The following ZPLD1 variants were observed in gnomAD, a reference collection of about 807,000 sequenced individuals.
ZPLD1 encodes zona pellucida like domain containing 1.
Under a neutral mutation model 47.2 loss-of-function variants are expected in ZPLD1, and 34 were observed. The ratio of observed to expected loss-of-function variants is 0.72; its 90% confidence interval spans 0.55 to 0.96. The LOEUF is 0.96. Among genes scored for constraint, ZPLD1 ranks in the 40% least tolerant of loss-of-function variants. The pLI is 0.00. For synonymous variants in ZPLD1, 176 were observed against 186.2 expected (o/e 0.95, Z 0.45); for missense variants, 512 against 505.8 (o/e 1.01, Z -0.12).
At chr3:102,410,331 C>T (rs1320288114) in intron 7 of ZPLD1, among the ~76,000 whole-genome samples, 2 of 151,690 alleles carry the variant, frequency 1.3e-5, no homozygotes, top group African/African-American at 4.8e-5. Flanking sequence ...CAGTATGGGG[C>T]AAACACATGC....
chr3:102,401,370 A>C (rs1706618118), intron 7 of ZPLD1, among the ~76,000 whole-genome samples: 1 of 152,084 alleles, frequency 6.6e-6, no homozygotes, highest in Admixed American at 6.6e-5. Context: ...ACAGGACTGC[A>C]CAATTTTGTG....
intron 5 of ZPLD1, among the ~76,000 whole-genome samples, chr3:102,457,492 A>G (rs1195520603): frequency 6.6e-6 from 1 of 152,240 alleles, no homozygotes; most frequent in Non-Finnish European, 1.5e-5. Flanking sequence ...GTGTATTTGC[A>G]TTAGATTCAA....
upstream of ZPLD1, chr3:102,434,943 A>G (rs1015172861): frequency 1.4e-5 from 9 of 632,862 alleles, no homozygotes; most frequent in East Asian, 5.5e-5. Flanking sequence ...GCTAAAATAC[A>G]CATGTCTGGA....
chr3:102,467,400 A>G (rs1453888631), intron 8 of ZPLD1, among the ~76,000 whole-genome samples: 3 of 152,178 alleles, frequency 2.0e-5, no homozygotes, highest in Non-Finnish European at 4.4e-5. Context: ...GGAAATGAGC[A>G]GAGTATGGTT....
At chr3:102,385,149 A>T (rs964210315) in exon 6 of ZPLD1, 1 of 152,216 alleles carries the variant, frequency 6.6e-6, no homozygotes, top group Non-Finnish European at 1.5e-5. Context: ...GGGACTCAGT[A>T]ACTCCATTAG....
intron 10 of ZPLD1, among the ~76,000 whole-genome samples, chr3:102,472,868 C>G (rs1380892728): frequency 6.6e-6 from 1 of 152,102 alleles, no homozygotes; most frequent in African/African-American, 2.4e-5. Flanking sequence ...AGCTGTATTC[C>G]TCCATTCTCA....
intron 3 of ZPLD1, among the ~76,000 whole-genome samples, chr3:102,449,523 C>A (rs941545006): frequency 1.3e-5 from 2 of 152,128 alleles, no homozygotes; most frequent in African/African-American, 4.8e-5. Flanking sequence ...AGAAATCTCA[C>A]GCGATTCAGC....
At chr3:102,422,809 G>A (rs913522101) in intron 8 of ZPLD1, among the ~76,000 whole-genome samples, 2 of 148,436 alleles carry the variant, frequency 1.3e-5, no homozygotes, top group African/African-American at 4.8e-5. Context: ...GGGCAGATAG[G>A]AACTTTTTGT....
intron 8 of ZPLD1, among the ~76,000 whole-genome samples, chr3:102,423,290 T>C (rs1041628113): frequency 3.9e-5 from 6 of 152,098 alleles, no homozygotes; most frequent in African/African-American, 1.4e-4. Flanking sequence ...AAAGAAAATA[T>C]GCTTACCAAT....
At chr3:102,394,678 T>C (rs1446011203) in intron 7 of ZPLD1, among the ~76,000 whole-genome samples, 1 of 152,180 alleles carries the variant, frequency 6.6e-6, no homozygotes, top group Non-Finnish European at 1.5e-5. Context: ...TTCCTTAGGA[T>C]GCGGTCATCT....
chr3:102,425,006 T>C (rs1197236164), intron 8 of ZPLD1, among the ~76,000 whole-genome samples: 1 of 151,608 alleles, frequency 6.6e-6, no homozygotes, highest in East Asian at 1.9e-4. Context: ...TTTTTTTTTT[T>C]GTTGTTGTTC....
intron 8 of ZPLD1, among the ~76,000 whole-genome samples, chr3:102,467,836 T>TACATAC (rs373387144): frequency 1.4e-5 from 2 of 140,900 alleles, no homozygotes; most frequent in Non-Finnish European, 3.1e-5. Flanking sequence ...AATAAAACTG[T>TACATAC]ACACACACAC....
chr3:102,440,977 T>C (rs1245451513), intron 3 of ZPLD1, among the ~76,000 whole-genome samples: 2 of 152,112 alleles, frequency 1.3e-5, no homozygotes, highest in East Asian at 3.9e-4. Flanking sequence ...TGTAGTTGTT[T>C]GTTTGATTTA....
chr3:102,388,242 G>GT (rs1706455312), intron 6 of ZPLD1, among the ~76,000 whole-genome samples: 1 of 151,960 alleles, frequency 6.6e-6, no homozygotes. Context: ...CCGAACTACT[G>GT]TAGGTTAGTT....
chr3:102,430,049 A>G (rs914487253), upstream of ZPLD1, among the ~76,000 whole-genome samples: 11 of 152,184 alleles, frequency 7.2e-5, no homozygotes, highest in Non-Finnish European at 1.3e-4. Flanking sequence ...ACTCAATTCA[A>G]AAGTCTTCAA....
At chr3:102,432,232 C>A (rs1022648526), upstream of ZPLD1, among the ~76,000 whole-genome samples, 1 of 152,148 alleles carries the variant, frequency 6.6e-6, no homozygotes, top group African/African-American at 2.4e-5. Context: ...GTGAGTGATG[C>A]AGAAGCACTG....
intron 3 of ZPLD1, among the ~76,000 whole-genome samples, chr3:102,451,590 G>A (rs1021621141): frequency 6.6e-6 from 1 of 152,196 alleles, no homozygotes; most frequent in African/African-American, 2.4e-5. Flanking sequence ...GTCCTGGGGT[G>A]ATTTAAAACA....
intron 3 of ZPLD1, among the ~76,000 whole-genome samples, chr3:102,442,597 C>T (rs181859334): frequency 2.0e-5 from 3 of 152,064 alleles, no homozygotes; most frequent in East Asian, 1.9e-4. Context: ...TTCCACATCA[C>T]GATCACCCTT....
chr3:102,435,285 T>G, intron 1 of ZPLD1, 131 bp downstream of exon 1: 1 of 970,008 alleles, frequency 1.0e-6, no homozygotes, highest in Non-Finnish European at 1.6e-6. Context: ...ATAGGGATAC[T>G]GCCTTTATAA....
Sources: allele counts gnomAD v4.1 joint callset (sites outside exome capture counted in the v4.1 genomes callset), GRCh38; gene constraint gnomAD v4.1.1; transcripts MANE v1.5; gene names NCBI Gene and HGNC (gene_info 2026-07-23, HGNC 2026-07-21).